Variants in LRP1B observed in about 807,000 individuals in gnomAD.
LRP1B encodes LDL receptor related protein 1B, also known as low-density lipoprotein receptor-related protein 1B.
Under a neutral mutation model 556.6 loss-of-function variants are expected in LRP1B, and 217 were observed. The observed-to-expected ratio is 0.39, with a 90% CI of 0.35 to 0.44. The LOEUF (loss-of-function observed/expected upper bound fraction) is 0.44. Ranked by LOEUF, LRP1B falls within the 20% of genes least tolerant of loss-of-function variation. The pLI is 1.00. For missense variants in LRP1B, 5,053 were observed against 5,620.8 expected, an observed-to-expected ratio of 0.90 and a Z score of 3.23; for synonymous variants, 2,047 against 1,865.8, an observed-to-expected ratio of 1.10 and a Z score of -2.50.
At chr2:140,429,817 C>T (rs1685839279) in intron 66 of LRP1B, among the ~76,000 whole-genome samples, 1 of 152,138 alleles carries the variant, frequency 6.6e-6, no homozygotes, top group African/African-American at 2.4e-5. Context: ...CTTTTGGACA[C>T]CCTCAAAATC....
intron 2 of LRP1B, among the ~76,000 whole-genome samples, chr2:141,627,217 C>G (rs1469459930): frequency 2.0e-5 from 3 of 152,080 alleles, no homozygotes; most frequent in African/African-American, 7.2e-5. Context: ...ACTGTTGATT[C>G]CAGCTATGAC....
At chr2:142,031,346 T>A (rs988204514) in intron 1 of LRP1B, among the ~76,000 whole-genome samples, 3 of 127,016 alleles carry the variant, frequency 2.4e-5, no homozygotes, top group Non-Finnish European at 3.4e-5. Flanking sequence ...TTTTTTTTTT[T>A]TTATTATACT....
intron 1 of LRP1B, among the ~76,000 whole-genome samples, chr2:142,025,144 T>C (rs528521978): frequency 1.3e-5 from 2 of 152,048 alleles, no homozygotes; most frequent in African/African-American, 4.8e-5. Flanking sequence ...GTCATCTAAC[T>C]CTCCTCTTTC....
chr2:141,931,901 A>C (rs1459145851), intron 1 of LRP1B, among the ~76,000 whole-genome samples: 1 of 152,030 alleles, frequency 6.6e-6, no homozygotes, highest in East Asian at 1.9e-4. Flanking sequence ...ATCTGGAGAT[A>C]TGGGCTGTGT....
chr2:142,044,020 T>C (rs1276350624), intron 1 of LRP1B, among the ~76,000 whole-genome samples: 1 of 151,780 alleles, frequency 6.6e-6, no homozygotes, highest in Non-Finnish European at 1.5e-5. Context: ...AACTATACTT[T>C]TAATCTTCAA....
At chr2:140,570,074 C>T (rs555944545) in intron 43 of LRP1B, among the ~76,000 whole-genome samples, 63 of 151,748 alleles carry the variant, frequency 4.2e-4, no homozygotes, top group African/African-American at 1.5e-3. Context: ...ATGTCTTCAT[C>T]ATCAAGTAGA....
chr2:140,587,193 T>C (rs931636785), intron 43 of LRP1B, among the ~76,000 whole-genome samples: 5 of 151,882 alleles, frequency 3.3e-5, no homozygotes, highest in African/African-American at 7.3e-5. Flanking sequence ...GAAAGAAAAC[T>C]GAACGAAGCT....
At position 140,487,673 on chromosome 2, in the gene LRP1B, T is replaced by C; in HGVS notation, c.9187A>G (p.Ser3063Gly). ...REEFIYWIDS[S>G]RPNGSRINRM... ...TTTATGCGACTGCCATTGGGTCGGC[T>C]AGAATCGATCCAATAGATGAATTCT... is the stretch of plus-strand genomic sequence containing the variant. The change falls in exon 58 of 91, where the codon AGC (serine) becomes GGC (glycine). Residue 3063 changes from serine to glycine, a missense_variant. Coordinates refer to ENST00000389484, the MANE Select transcript of LRP1B (RefSeq NM_018557.3). 6.2e-7 allele frequency: 1 copy of C among 1,605,280 alleles called. No individual in the cohort carries two copies. The highest frequency in any genetic ancestry group is 8.5e-7 in the Non-Finnish European group (1 of 1,173,986).
At chr2:141,277,086 G>A (rs1685328392) in intron 3 of LRP1B, among the ~76,000 whole-genome samples, 1 of 152,138 alleles carries the variant, frequency 6.6e-6, no homozygotes, top group Non-Finnish European at 1.5e-5. Context: ...TATGAATAGT[G>A]CTGTAATAAA....
At position 141,544,349 on chromosome 2, in the gene LRP1B, C is replaced by CTTCTTCTTCTTCTT. The variant is rs1685444500; in HGVS notation, c.206-63830_206-63817dup. 1.2e-4 allele frequency among the ~76,000 whole-genome samples: 10 copies of CTTCTTCTTCTTCTT among 85,876 alleles called. 1 individual carries two copies. The highest frequency in any genetic ancestry group is 2.5e-4 in the African/African-American group (6 of 24,278). The allele number at this position is 85,876 out of a possible 152,430, so 56.3% of individuals were successfully genotyped here. A position where few individuals can be genotyped will look rare whatever the true frequency, so the allele number is the denominator to read the frequency against. Reference sequence around the variant, plus strand: ...TCTTCTTCTTCTTCTTCTTCTTCTTCTTCTTCTTCTTCTTCTTCTTCTTCT... The same window carrying CTTCTTCTTCTTCTT: ...TCTTCTTCTTCTTCTTCTTCTTCTTCTTCTTCTTCTTCTTTTCTTCTTCTTCTTCTTCTTCTTCT... On this transcript the variant is annotated intron_variant, in intron 2 of 90. Coordinates refer to ENST00000389484, the MANE Select transcript of LRP1B (RefSeq NM_018557.3).
intron 3 of LRP1B, among the ~76,000 whole-genome samples, chr2:141,467,190 C>G (rs1007963931): frequency 6.8e-6 from 1 of 148,078 alleles, no homozygotes; most frequent in African/African-American, 2.6e-5. Flanking sequence ...AGAGAGAGAG[C>G]GCGGGGGGAA....
At chr2:141,338,134 C>T (rs769720899) in intron 3 of LRP1B, among the ~76,000 whole-genome samples, 2 of 152,074 alleles carry the variant, frequency 1.3e-5, no homozygotes, top group Non-Finnish European at 2.9e-5. Context: ...TGTGTACTAC[C>T]CAGTGACCAG....
At chr2:141,893,158 C>T (rs1699341956) in intron 1 of LRP1B, among the ~76,000 whole-genome samples, 1 of 151,986 alleles carries the variant, frequency 6.6e-6, no homozygotes, top group Non-Finnish European at 1.5e-5. Flanking sequence ...TAAATAAAAA[C>T]TATGTCATCT....
intron 20 of LRP1B, among the ~76,000 whole-genome samples, chr2:140,927,310 A>C (rs531873147): frequency 3.3e-5 from 5 of 152,142 alleles, no homozygotes; most frequent in Non-Finnish European, 7.4e-5. Context: ...GTCTCACACA[A>C]ATAAATGGAA....
At chr2:140,982,633 AG>A (rs1309926341) in intron 17 of LRP1B, among the ~76,000 whole-genome samples, 2 of 152,192 alleles carry the variant, frequency 1.3e-5, no homozygotes, top group African/African-American at 4.8e-5. Flanking sequence ...TAACAAAAAA[AG>A]AATTGTGGAT....
intron 35 of LRP1B, among the ~76,000 whole-genome samples, chr2:140,733,609 CA>C (rs1687849164): frequency 6.6e-6 from 1 of 151,858 alleles, no homozygotes; most frequent in Non-Finnish European, 1.5e-5. Flanking sequence ...AAACCAGGCA[CA>C]AAAGAATATA....
intron 7 of LRP1B, among the ~76,000 whole-genome samples, chr2:141,139,289 T>G (rs1407025994): frequency 1.3e-5 from 2 of 151,876 alleles, no homozygotes; most frequent in Non-Finnish European, 2.9e-5. Flanking sequence ...AAAATCTTTA[T>G]AACATTTGGT....
intron 83 of LRP1B, among the ~76,000 whole-genome samples, chr2:140,303,058 T>TAC (rs200121342): frequency 2.2e-5 from 3 of 135,228 alleles, no homozygotes; most frequent in African/African-American, 5.3e-5. Context: ...TATATGGACA[T>TAC]ACACACACAC....
intron 2 of LRP1B, among the ~76,000 whole-genome samples, chr2:141,588,230 A>G (rs1000699949): frequency 6.8e-6 from 1 of 147,216 alleles, no homozygotes; most frequent in Non-Finnish European, 1.5e-5. Flanking sequence ...TTAATCCCCA[A>G]CTTAGGACTG....
Sources: allele counts gnomAD v4.1 joint callset (sites outside exome capture counted in the v4.1 genomes callset), GRCh38; gene constraint gnomAD v4.1.1; transcripts MANE v1.5; gene names NCBI Gene and HGNC (gene_info 2026-07-23, HGNC 2026-07-21).